The following FAM200B variants were observed in gnomAD, a reference collection of about 807,000 sequenced individuals.
FAM200B encodes zinc finger BED-type containing 11.
In FAM200B, 32 loss-of-function variants were observed where a neutral mutation model predicts 33.1. The ratio of observed to expected loss-of-function variants is 0.97; its 90% CI spans 0.73 to 1.30. The LOEUF (loss-of-function observed/expected upper bound fraction) is 1.30. FAM200B is among the 50% of genes most tolerant of loss of function. The pLI, the probability that FAM200B is intolerant of heterozygous loss-of-function variation, is 0.00. For synonymous variants in FAM200B, 240 were observed against 264.8 expected, an observed-to-expected ratio of 0.91 and a Z score of 0.91; for missense variants, 741 against 754.0, an observed-to-expected ratio of 0.98 and a Z score of 0.20.
the FAM200B span, among the ~76,000 whole-genome samples, chr4:15,639,028 G>T: frequency 6.6e-6 from 1 of 152,190 alleles, no homozygotes; most frequent in South Asian, 2.1e-4. Flanking sequence ...GCCGGGCGTG[G>T]TGGCGCATGC....
In FAM200B at chr4:15,688,376, T is replaced by C. The variant is rs1293082060; in HGVS notation, c.1399T>C (p.Leu467=). The change falls in exon 2 of 2, where the codon TTA becomes CTA. Residue 467 remains leucine, a synonymous_variant. Coordinates refer to ENST00000422728, the MANE Select transcript of FAM200B (RefSeq NM_001145191.2). Reference sequence around the variant, plus strand: ...ACGTATCCAGGGATTTCGAAAGACATTATTGTTATGGCAAGTAAGACTTAA... The same window carrying C: ...ACGTATCCAGGGATTTCGAAAGACACTATTGTTATGGCAAGTAAGACTTAA... ...VERIQGFRKT[L]LLWQVRLKSN... is the part of the protein sequence containing the mutation. 6.5e-7 allele frequency: 1 copy of C among 1,549,774 alleles called. No homozygotes were observed. The highest frequency in any genetic ancestry group is 8.7e-7 in the Non-Finnish European group (1 of 1,145,388).
the FAM200B span, among the ~76,000 whole-genome samples, chr4:15,646,463 A>G: frequency 5.2e-3 from 771 of 148,804 alleles, 9 homozygotes; most frequent in African/African-American, 0.017. Flanking sequence ...ATTTTTTGGA[A>G]AAAAAAAAAA....
the FAM200B span, among the ~76,000 whole-genome samples, chr4:15,676,232 G>A: frequency 6.6e-6 from 1 of 152,312 alleles, no homozygotes; most frequent in East Asian, 1.9e-4. Context: ...CTGATATGAT[G>A]CAATAGGATG....
chr4:15,641,007 G>T, the FAM200B span: 1 of 515,318 alleles, frequency 1.9e-6, no homozygotes, highest in African/African-American at 2.0e-5. Context: ...ATTGCAAAGT[G>T]GTCTCTGTAC....
rs186628094 is a variant in FAM200B at position 15,685,653 on chromosome 4, A to G, written c.-742-583A>G. The stretch of plus-strand genomic sequence containing the variant: ...GACCCACCTAGATACCAAATGATTA[A>G]CAATACAAAAATAAGAAAGTACAAT... On this transcript the variant is annotated intron_variant, in intron 1 of 1. Coordinates refer to ENST00000422728, the MANE Select transcript of FAM200B (RefSeq NM_001145191.2). Among the ~76,000 whole-genome samples the G allele has an allele frequency of 2.1e-3, 322 of 152,316 alleles. 1 individual carries two copies. The highest frequency in any genetic ancestry group is 7.4e-3 in the African/African-American group (309 of 41,564).
At chr4:15,637,676 C>T in the FAM200B span, among the ~76,000 whole-genome samples, 1 of 152,130 alleles carries the variant, frequency 6.6e-6, no homozygotes, top group Non-Finnish European at 1.5e-5. Flanking sequence ...ATCTAAAGCA[C>T]AAGCTACATT....
chr4:15,684,132 G>T (rs2148856145), intron 1 of FAM200B, among the ~76,000 whole-genome samples: 1 of 152,282 alleles, frequency 6.6e-6, no homozygotes, highest in Non-Finnish European at 1.5e-5. Context: ...GCCAATTTCA[G>T]TGCACACATC....
the FAM200B span, among the ~76,000 whole-genome samples, chr4:15,653,148 T>C: frequency 6.6e-6 from 1 of 152,152 alleles, no homozygotes; most frequent in Non-Finnish European, 1.5e-5. Flanking sequence ...TTCAGAAAAT[T>C]GGACTTTTAA....
At chr4:15,674,201 CGT>C in the FAM200B span, among the ~76,000 whole-genome samples, 4 of 136,096 alleles carry the variant, frequency 2.9e-5, no homozygotes, top group African/African-American at 5.6e-5. Flanking sequence ...TCAAATGCAT[CGT>C]GTTTTTTTTT....
chr4:15,645,340 T>C, the FAM200B span, among the ~76,000 whole-genome samples: 2 of 152,328 alleles, frequency 1.3e-5, no homozygotes, highest in South Asian at 2.1e-4. Flanking sequence ...TTAAGAGTCA[T>C]AGTGAACCAG....
the FAM200B span, among the ~76,000 whole-genome samples, chr4:15,675,680 C>T: frequency 3.4e-5 from 5 of 147,782 alleles, no homozygotes; most frequent in East Asian, 4.0e-4. Context: ...CTCCCAGGTT[C>T]GAGCAATTCT....
chr4:15,655,383 G>A, the FAM200B span: 3 of 1,062,100 alleles, frequency 2.8e-6, no homozygotes, highest in Non-Finnish European at 3.4e-6. Flanking sequence ...CCTTGCGCAT[G>A]CGCCCGCCCC....
the FAM200B span, among the ~76,000 whole-genome samples, chr4:15,661,825 C>T: frequency 0.12 from 18,107 of 152,222 alleles, 1,225 homozygotes; most frequent in Non-Finnish European, 0.15. Flanking sequence ...AGATTGGCAG[C>T]TAAAGCTGCG....
the FAM200B span, among the ~76,000 whole-genome samples, chr4:15,673,835 C>T: frequency 2.0e-5 from 3 of 152,198 alleles, no homozygotes; most frequent in African/African-American, 7.2e-5. Context: ...CACTAGGCTG[C>T]ATATGTTCCC....
the FAM200B span, among the ~76,000 whole-genome samples, chr4:15,662,796 G>T: frequency 1.2e-3 from 180 of 152,186 alleles, 1 homozygote; most frequent in African/African-American, 4.0e-3. Flanking sequence ...CTTTGCAAAG[G>T]TGTTCTTGTT....
chr4:15,644,277 A>G, the FAM200B span, among the ~76,000 whole-genome samples: 66 of 152,068 alleles, frequency 4.3e-4, no homozygotes, highest in Admixed American at 9.2e-4. Flanking sequence ...ACTTGTCCTT[A>G]CTGTATTCAC....
At chr4:15,684,545 A>G (rs1218887015) in intron 1 of FAM200B, 1 of 152,226 alleles carries the variant, frequency 6.6e-6, no homozygotes, top group African/African-American at 2.4e-5. Context: ...GGAAAGTTGA[A>G]GCATTAAAAC....
the FAM200B span, among the ~76,000 whole-genome samples, chr4:15,656,771 G>A: frequency 6.6e-6 from 1 of 150,456 alleles, no homozygotes; most frequent in Admixed American, 6.7e-5. Flanking sequence ...TCTTTATGAG[G>A]ATTTATATAT....
At chr4:15,641,721 C>T in the FAM200B span, 1 of 412,234 alleles carries the variant, frequency 2.4e-6, no homozygotes, top group Non-Finnish European at 4.7e-6. Flanking sequence ...GTTCAAGGGT[C>T]AACTGTACCT....
Sources: allele counts gnomAD v4.1 joint callset (sites outside exome capture counted in the v4.1 genomes callset), GRCh38; gene constraint gnomAD v4.1.1; transcripts MANE v1.5; gene names NCBI Gene and HGNC (gene_info 2026-07-23, HGNC 2026-07-21).